Variants in NKAIN3 observed in about 807,000 individuals in gnomAD.
NKAIN3 encodes sodium/potassium-transporting ATPase subunit beta-1-interacting protein 3.
Under a neutral mutation model 30.2 loss-of-function variants are expected in NKAIN3, and 25 were observed. The observed-to-expected ratio is 0.83, with a 90% CI of 0.60 to 1.16. The LOEUF (loss-of-function observed/expected upper bound fraction) is 1.16. Among genes scored for constraint, NKAIN3 ranks in the 50% most tolerant of loss-of-function variants. The pLI is 0.00. For missense variants in NKAIN3, 225 were observed against 254.1 expected, an observed-to-expected ratio of 0.89 and a Z score of 0.78; for synonymous variants, 91 against 89.6, an observed-to-expected ratio of 1.02 and a Z score of -0.09.
Position 62,345,313 on chromosome 8 carries a change from A to G in NKAIN3, c.54+96186A>G, listed in dbSNP as rs1463956570. Among the ~76,000 whole-genome samples, 3 of 87,056 alleles carry G rather than the reference A, an allele frequency of 3.4e-5. No individual in the cohort carries two copies. In the East Asian group the frequency reaches 8.3e-4, roughly 24 times the overall value. The allele number at this position is 87,056 out of a possible 152,430, so 57.1% of individuals were successfully genotyped here. The stretch of plus-strand genomic sequence containing the variant: ...TATACACACATATATATGTATATAT[A>G]CACACATATATACACATATATGTAT... On this transcript the variant is annotated intron_variant, in intron 1 of 6. Coordinates refer to ENST00000623646, the MANE Select transcript of NKAIN3 (RefSeq NM_001304533.3).
Position 62,746,954 on chromosome 8 carries a change from A to G in NKAIN3, c.296A>G (p.Asn99Ser), listed in dbSNP as rs1343169713. Reference sequence around the variant, plus strand: ...TAGGACACCGATCTAATGACATTCAATATCTCTGTACATCGGTCATGGTGG... The same window carrying G: ...TAGGACACCGATCTAATGACATTCAGTATCTCTGTACATCGGTCATGGTGG... ...LSKDTDLMTF[N>S]ISVHRSWWRE... is the part of the protein sequence containing the mutation. The change falls in exon 4 of 7, where the codon AAT becomes AGT. Residue 99 changes from asparagine (N) to serine (S), a missense_variant. By Grantham distance (46) the Asn-to-Ser change is conservative. Coordinates refer to ENST00000623646, the MANE Select transcript of NKAIN3 (RefSeq NM_001304533.3). 1.9e-6 allele frequency: 3 copies of G among 1,611,318 alleles called. No individual in the cohort carries two copies. The highest frequency in any genetic ancestry group is 2.7e-5 in the African/African-American group (2 of 75,008).
chr8:62,654,910 G>A (rs936493763), intron 3 of NKAIN3, among the ~76,000 whole-genome samples: 2 of 152,164 alleles, frequency 1.3e-5, no homozygotes, highest in Non-Finnish European at 2.9e-5. Context: ...TTATGGGGAA[G>A]GACGATAGCA....
At chr8:62,464,617 G>T (rs976697216) in intron 1 of NKAIN3, among the ~76,000 whole-genome samples, 2 of 152,134 alleles carry the variant, frequency 1.3e-5, no homozygotes, top group Non-Finnish European at 2.9e-5. Flanking sequence ...ATATCCTAAT[G>T]ATATTTTAAA....
intron 1 of NKAIN3, among the ~76,000 whole-genome samples, chr8:62,456,430 A>T (rs1185864906): frequency 6.6e-6 from 1 of 151,928 alleles, no homozygotes; most frequent in Admixed American, 6.5e-5. Context: ...GAGGCAGGAG[A>T]ATGGCGTGAA....
chr8:62,557,484 C>G (rs1809438718), intron 1 of NKAIN3, among the ~76,000 whole-genome samples: 1 of 152,078 alleles, frequency 6.6e-6, no homozygotes, highest in South Asian at 2.1e-4. Flanking sequence ...AATGTTCACA[C>G]TGTTTTCTAA....
In NKAIN3 at chr8:62,982,562, A is replaced by G. The variant is rs1824110588; in HGVS notation, c.*17155A>G. On this transcript the variant is annotated 3_prime_UTR_variant, in exon 7 of 7. Coordinates refer to ENST00000623646, the MANE Select transcript of NKAIN3 (RefSeq NM_001304533.3). ...TAGACATGCTTCATGCATGTTCTGA[A>G]TAGGAGCTATGGTATAATGAGATGC... is the stretch of plus-strand genomic sequence containing the variant. 6.6e-6 allele frequency: 1 copy of G among 152,212 alleles called. No homozygotes were observed. Among genetic ancestry groups the G allele is most frequent in the Non-Finnish European group, 1.5e-5 (1 of 68,020 alleles). 9.4% of individuals were successfully genotyped at this position (152,212 alleles called of 1,614,324 possible). A position where few individuals can be genotyped will look rare whatever the true frequency, so the allele number is the denominator to read the frequency against.
intron 4 of NKAIN3, among the ~76,000 whole-genome samples, chr8:62,806,623 G>C (rs1586218426): frequency 6.6e-6 from 1 of 151,980 alleles, no homozygotes; most frequent in South Asian, 2.1e-4. Flanking sequence ...ATGGACACTG[G>C]AATGAGAACA....
chr8:62,345,645 A>T (rs1815977083), intron 1 of NKAIN3, among the ~76,000 whole-genome samples: 1 of 149,502 alleles, frequency 6.7e-6, no homozygotes, highest in Non-Finnish European at 1.5e-5. Context: ...ATATGTATAT[A>T]TACACATATA....
rs556533047 is a variant in NKAIN3, at chr8:62,625,557, A to T, written c.273+35763A>T. ...TGACCCAGGTAGGTTGCTTAACATA[A>T]AATTCCAGGTTTCTCATCTGCTAAT... is the stretch of plus-strand genomic sequence containing the variant. On this transcript the variant is annotated intron_variant, in intron 3 of 6. Coordinates refer to ENST00000623646, the MANE Select transcript of NKAIN3 (RefSeq NM_001304533.3). 2.0e-5 allele frequency among the ~76,000 whole-genome samples: 3 copies of T among 152,232 alleles called. No homozygotes were observed. The East Asian group carries it at 5.8e-4, about 29-fold the overall frequency.
chr8:62,662,063 G>T (rs1391211722), intron 3 of NKAIN3, among the ~76,000 whole-genome samples: 1 of 152,088 alleles, frequency 6.6e-6, no homozygotes, highest in Non-Finnish European at 1.5e-5. Context: ...AGGTCACTTA[G>T]CCCCCACCAA....
chr8:62,391,213 A>C (rs917518128), intron 1 of NKAIN3, among the ~76,000 whole-genome samples: 6 of 152,156 alleles, frequency 3.9e-5, no homozygotes, highest in Admixed American at 2.0e-4. Context: ...TAGATACTTA[A>C]ATGTAAAACC....
intron 1 of NKAIN3, among the ~76,000 whole-genome samples, chr8:62,252,707 G>C (rs1178840275): frequency 6.6e-6 from 1 of 152,156 alleles, no homozygotes; most frequent in African/African-American, 2.4e-5. Flanking sequence ...ATTCATTACT[G>C]TGTCACTGAT....
chr8:62,440,958 G>A (rs915497562), intron 1 of NKAIN3, among the ~76,000 whole-genome samples: 25 of 152,006 alleles, frequency 1.6e-4, no homozygotes, highest in African/African-American at 6.0e-4. Context: ...TCCTCAATGC[G>A]GAACCTGTCT....
At chr8:62,605,531 G>T (rs1227115666) in intron 3 of NKAIN3, among the ~76,000 whole-genome samples, 1 of 151,888 alleles carries the variant, frequency 6.6e-6, no homozygotes, top group Non-Finnish European at 1.5e-5. Context: ...TTAGTATACA[G>T]TCTGCCCTCT....
chr8:62,845,250 C>G (rs1252064267), intron 4 of NKAIN3, among the ~76,000 whole-genome samples: 5 of 133,746 alleles, frequency 3.7e-5, no homozygotes, highest in Non-Finnish European at 6.3e-5. Context: ...TCTTCTTTTT[C>G]ATAATGTAGA....
At chr8:62,636,046 G>C (rs1812117761) in intron 3 of NKAIN3, among the ~76,000 whole-genome samples, 1 of 152,150 alleles carries the variant, frequency 6.6e-6, no homozygotes, top group Non-Finnish European at 1.5e-5. Context: ...GGAGCCGTGT[G>C]ATAAGAAACT....
downstream of NKAIN3, among the ~76,000 whole-genome samples, chr8:62,986,276 A>T (rs1443742629): frequency 6.6e-6 from 1 of 152,206 alleles, no homozygotes; most frequent in Non-Finnish European, 1.5e-5. Flanking sequence ...AACGCAGCCC[A>T]TTCAGGAGAT....
At chr8:62,441,883 C>G (rs1356441972) in intron 1 of NKAIN3, among the ~76,000 whole-genome samples, 1 of 151,962 alleles carries the variant, frequency 6.6e-6, no homozygotes, top group Admixed American at 6.5e-5. Flanking sequence ...GATAAATTCT[C>G]CTTATCAAGT....
chr8:62,996,367 C>G (rs1451435686), intron 5 of NKAIN3, among the ~76,000 whole-genome samples: 1 of 152,172 alleles, frequency 6.6e-6, no homozygotes, highest in East Asian at 1.9e-4. Context: ...CATGGCGAAA[C>G]CACCTCCATT....
Sources: gnomAD v4.1 joint callset for allele counts (sites outside exome capture counted in the v4.1 genomes callset) on GRCh38, gnomAD v4.1.1 for gene constraint, MANE v1.5 for transcripts, NCBI Gene and HGNC (gene_info 2026-07-23, HGNC 2026-07-21) for gene names.